The following OLIG2 variants were observed in gnomAD, a reference collection of about 807,000 sequenced individuals.
OLIG2 encodes the protein basic domain, helix-loop-helix protein, class B, 1.
In OLIG2, 12 loss-of-function variants were observed where a neutral mutation model predicts 13.4. The ratio of observed to expected loss-of-function variants is 0.90; its 90% CI spans 0.58 to 1.46. OLIG2 has a LOEUF of 1.46. Ranked by LOEUF, OLIG2 falls within the 40% of genes most tolerant of loss-of-function variation. OLIG2 has a pLI of 0.00. For missense variants in OLIG2, 415 were observed against 487.9 expected (o/e 0.85, Z 1.41); for synonymous variants, 250 against 233.6 (o/e 1.07, Z -0.64).
At position 33,026,450 on chromosome 21, in the gene OLIG2, T is replaced by C. The variant is rs543923644; in HGVS notation, c.-62-351T>C. On this transcript the variant is annotated intron_variant, in intron 1 of 1. Transcript: ENST00000382357. This position sits in a 1 kb window ranked among gnomAD's most constrained non-coding sequence, Gnocchi z 6.6. The stretch of plus-strand genomic sequence containing the variant: ...CCAAAGAAAGGCCCTCACTTCCCAC[T>C]CGTTTATTCCAGCCCGGGGGCTCAG... The C allele has an allele frequency of 4.7e-6, 1 of 210,740 alleles. No homozygotes were observed. The highest frequency in any genetic ancestry group is 8.4e-5 in the South Asian group (1 of 11,846). The allele number at this position is 210,740 out of a possible 1,614,324, so 13.1% of individuals were successfully genotyped here.
chr21:33,027,752 T>C lies in OLIG2; in HGVS notation c.890T>C (p.Met297Thr). 2 of 1,400,528 alleles carry C rather than the reference T, an allele frequency of 1.4e-6. No individual in the cohort carries two copies. The highest frequency in any genetic ancestry group is 1.8e-6 in the Non-Finnish European group (2 of 1,083,146). 86.8% of individuals were successfully genotyped at this position (1,400,528 alleles called of 1,614,324 possible). A position where few individuals can be genotyped will look rare whatever the true frequency, so the allele number is the denominator to read the frequency against. ...HWGGMPCPCS[M>T]CQVPPPHHHV... is the part of the protein sequence containing the mutation. ...GGCGGCATGCCCTGCCCCTGCAGCATGTGCCAGGTGCCGCCGCCGCACCAC... is the reference window on the plus strand; with the variant it reads ...GGCGGCATGCCCTGCCCCTGCAGCACGTGCCAGGTGCCGCCGCCGCACCAC... The change falls in exon 2 of 2, where the codon ATG (methionine) becomes ACG (threonine). Residue 297 changes from methionine (M) to threonine (T), a missense_variant. Met to Thr is a moderately conservative substitution (Grantham distance 81, BLOSUM62 -1). Around this residue, in one of 3 missense-constraint regions of OLIG2, gnomAD observed 243 missense variants for 241.2 expected, o/e 1.01. Coordinates refer to ENST00000382357, the MANE Select transcript of OLIG2 (RefSeq NM_005806.4).
Position 33,027,570 on chromosome 21 carries a change from G to T in OLIG2, c.708G>T (p.Ala236=). ...CGGCTGCTGCCGCCGCTGCAGCCGC[G>T]GCTGTGTCCAGCGCCTCTCTGCCCG... ...AAAAAAAAAA[A]AVSSASLPGS... is the part of the protein sequence containing the mutation. The change falls in exon 2 of 2, where the codon GCG becomes GCT. Residue 236 remains alanine (A), a synonymous_variant. Coordinates refer to ENST00000382357, the MANE Select transcript of OLIG2 (RefSeq NM_005806.4). The T allele has an allele frequency of 6.8e-7, 1 of 1,477,332 alleles. No individual in the cohort carries two copies. The highest frequency in any genetic ancestry group is 8.9e-7 in the Non-Finnish European group (1 of 1,119,220). 91.5% of individuals were successfully genotyped at this position (1,477,332 alleles called of 1,614,324 possible). A position where few individuals can be genotyped will look rare whatever the true frequency, so the allele number is the denominator to read the frequency against.
Position 33,028,065 on chromosome 21 carries a change from G to T in OLIG2, c.*231G>T, listed in dbSNP as rs774250932. 9.0e-6 allele frequency: 4 copies of T among 442,672 alleles called. No individual in the cohort carries two copies. The highest frequency in any genetic ancestry group is 4.4e-5 in the Admixed American group (1 of 22,686). 27.4% of individuals were successfully genotyped at this position (442,672 alleles called of 1,614,324 possible). ...TCCGGGACCTGATCGAGCGCTGTCT[G>T]GCTTTAACCTGAGCTGGTCCAGTAG... On this transcript the variant is annotated 3_prime_UTR_variant, in exon 2 of 2. Transcript: ENST00000382357.
rs1183265334 is a variant in OLIG2, at chr21:33,026,993, C to CG, written c.132dup (p.Ser45GlufsTer2). 1 of 1,612,222 alleles carries CG rather than the reference C, an allele frequency of 6.2e-7. No homozygotes were observed. Among genetic ancestry groups the CG allele is most frequent in the Non-Finnish European group, 8.5e-7 (1 of 1,179,530 alleles). On this transcript the variant is annotated frameshift_variant, in exon 2 of 2. Transcript: ENST00000382357. LOFTEE classifies it high-confidence loss of function. The surrounding 1 kb of genome is among the most constrained non-coding windows in gnomAD (Gnocchi z 6.6). Reference sequence around the variant, plus strand: ...GGGGGCACCGTGTCCTCGTCCACCCCGAGTGACTGCCCGCCGGAGCTGAGC... The same window carrying CG: ...GGGGGCACCGTGTCCTCGTCCACCCCGGAGTGACTGCCCGCCGGAGCTGAGC...
At position 33,027,129 on chromosome 21, in the gene OLIG2, G is replaced by T. The variant is rs562023180; in HGVS notation, c.267G>T (p.Ala89=). The T allele has an allele frequency of 1.2e-6, 2 of 1,611,368 alleles. No homozygotes were observed. The highest frequency in any genetic ancestry group is 1.7e-6 in the Non-Finnish European group (2 of 1,179,174). ...GCACCTCGTCGTCTACGTCGTCGGCGGCTGCGTCGTCCACCAAGAAGGACA... is the reference window on the plus strand; with the variant it reads ...GCACCTCGTCGTCTACGTCGTCGGCTGCTGCGTCGTCCACCAAGAAGGACA... The part of the protein sequence containing the change: ...SSSTSSSTSS[A]AASSTKKDKK... Residue 89 remains alanine, a synonymous_variant, in exon 2 of 2, where the codon GCG becomes GCT. Coordinates refer to ENST00000382357, the MANE Select transcript of OLIG2 (RefSeq NM_005806.4).
Position 33,027,135 on chromosome 21 carries a change from G to T in OLIG2, c.273G>T (p.Ala91=), listed in dbSNP as rs1478775455. 7 of 1,611,516 alleles carry T rather than the reference G, an allele frequency of 4.3e-6. No individual in the cohort carries two copies. The highest frequency in any genetic ancestry group is 5.9e-6 in the Non-Finnish European group (7 of 1,179,224). ...CGTCGTCTACGTCGTCGGCGGCTGC[G>T]TCGTCCACCAAGAAGGACAAGAAGC... ...STSSSTSSAA[A]SSTKKDKKQM... The change falls in exon 2 of 2, where the codon GCG becomes GCT. Residue 91 remains alanine (A), a synonymous_variant. Coordinates refer to ENST00000382357, the MANE Select transcript of OLIG2 (RefSeq NM_005806.4).
In OLIG2 at chr21:33,028,375, C is replaced by G. The variant is rs1029498598; in HGVS notation, c.*541C>G. The G allele has an allele frequency of 2.0e-4, 47 of 240,816 alleles. No individual in the cohort carries two copies. In the Middle Eastern group the frequency reaches 4.1e-3, roughly 21 times the overall value. 14.9% of individuals were successfully genotyped at this position (240,816 alleles called of 1,614,324 possible). The stretch of plus-strand genomic sequence containing the variant: ...GCGCCCTCCAGGGTCGTCCCTGGCC[C>G]AAGGCCAGGGGCCACAAGTTAGTTG... On this transcript the variant is annotated 3_prime_UTR_variant, in exon 2 of 2. Transcript: ENST00000382357.
Position 33,027,451 on chromosome 21 carries a change from C to A in OLIG2, c.589C>A (p.Pro197Thr), listed in dbSNP as rs919311769. 2.0e-6 allele frequency: 3 copies of A among 1,498,366 alleles called. No individual in the cohort carries two copies. The highest frequency in any genetic ancestry group is 2.9e-5 in the African/African-American group (2 of 69,132). 92.8% of individuals were successfully genotyped at this position (1,498,366 alleles called of 1,614,324 possible). A position where few individuals can be genotyped will look rare whatever the true frequency, so the allele number is the denominator to read the frequency against. ...CTGCGGCGGCCTGGCGCACTCCGCGCCCCTGCCCGCCGCCACCGCGCACCC... is the reference window on the plus strand; with the variant it reads ...CTGCGGCGGCCTGGCGCACTCCGCGACCCTGCCCGCCGCCACCGCGCACCC... ...SACGGLAHSA[P>T]LPAATAHPAA... The change falls in exon 2 of 2, where the codon CCC becomes ACC. Residue 197 changes from proline to threonine, a missense_variant. Pro to Thr is a conservative substitution (Grantham distance 38). Transcript: ENST00000382357.
In OLIG2 at chr21:33,028,522, G is replaced by T; in HGVS notation, c.*688G>T. On this transcript the variant is annotated 3_prime_UTR_variant, in exon 2 of 2. Coordinates refer to ENST00000382357, the MANE Select transcript of OLIG2 (RefSeq NM_005806.4). ...GTCTCTCGTTGATTTGGGAGAATATGGTTTTCTAATAAATCTGTGGATGTT... is the reference window on the plus strand; with the variant it reads ...GTCTCTCGTTGATTTGGGAGAATATTGTTTTCTAATAAATCTGTGGATGTT... 1 of 241,220 alleles carries T rather than the reference G, an allele frequency of 4.1e-6. No homozygotes were observed. Among genetic ancestry groups the T allele is most frequent in the Non-Finnish European group, 8.8e-6 (1 of 113,786 alleles). The allele number at this position is 241,220 out of a possible 1,614,324, so 14.9% of individuals were successfully genotyped here.
In OLIG2 at chr21:33,027,642, A is replaced by G; in HGVS notation, c.780A>G (p.Leu260=). The change falls in exon 2 of 2, where the codon CTA becomes CTG. Residue 260 remains leucine, a synonymous_variant. Transcript: ENST00000382357. ...SVGSIRPPHG[L]LKSPSAAAAA... The stretch of plus-strand genomic sequence containing the variant: ...GCTCCATCCGTCCACCGCACGGCCT[A>G]CTCAAGTCTCCGTCTGCTGCCGCGG... The G allele has an allele frequency of 1.4e-6, 2 of 1,441,230 alleles. No individual in the cohort carries two copies. The highest frequency in any genetic ancestry group is 2.9e-5 in the Admixed American group (1 of 34,082). The allele number at this position is 1,441,230 out of a possible 1,614,324, so 89.3% of individuals were successfully genotyped here. A position where few individuals can be genotyped will look rare whatever the true frequency, so the allele number is the denominator to read the frequency against.
Position 33,027,615 on chromosome 21 carries a change from C to A in OLIG2, c.753C>A (p.Val251=). 6.8e-7 allele frequency: 1 copy of A among 1,476,222 alleles called. No homozygotes were observed. The highest frequency in any genetic ancestry group is 8.9e-7 in the Non-Finnish European group (1 of 1,119,804). The allele number at this position is 1,476,222 out of a possible 1,614,324, so 91.4% of individuals were successfully genotyped here. A position where few individuals can be genotyped will look rare whatever the true frequency, so the allele number is the denominator to read the frequency against. Residue 251 remains valine, a synonymous_variant, in exon 2 of 2, where the codon GTC becomes GTA. Coordinates refer to ENST00000382357, the MANE Select transcript of OLIG2 (RefSeq NM_005806.4). ...TGCCCGGATCCGGGCTGCCGTCGGTCGGCTCCATCCGTCCACCGCACGGCC... is the reference window on the plus strand; with the variant it reads ...TGCCCGGATCCGGGCTGCCGTCGGTAGGCTCCATCCGTCCACCGCACGGCC... ...ASLPGSGLPS[V]GSIRPPHGLL...
In OLIG2 at chr21:33,027,858, G is replaced by A; in HGVS notation, c.*24G>A. 7.3e-7 allele frequency: 1 copy of A among 1,367,250 alleles called. No individual in the cohort carries two copies. Among genetic ancestry groups the A allele is most frequent in the Non-Finnish European group, 9.4e-7 (1 of 1,066,788 alleles). The allele number at this position is 1,367,250 out of a possible 1,614,324, so 84.7% of individuals were successfully genotyped here. On this transcript the variant is annotated 3_prime_UTR_variant, in exon 2 of 2. Transcript: ENST00000382357. ...GAGCCGACTGGCGCCGGCGCGTTCT[G>A]GCGACAGGGGAGCCAGGGGCCGCGG...
Position 33,029,107 on chromosome 21 carries a change from C to T in OLIG2, c.*1273C>T, listed in dbSNP as rs1185857290. 1 of 219,842 alleles carries T rather than the reference C, an allele frequency of 4.5e-6. No individual in the cohort carries two copies. Among genetic ancestry groups the T allele is most frequent in the Non-Finnish European group, 1.0e-5 (1 of 100,228 alleles). 13.6% of individuals were successfully genotyped at this position (219,842 alleles called of 1,614,324 possible). ...ATCATCTGTTTTATTTTTGTAAAAA[C>T]AAAGTGCTAAATAATATTTATTACT... On this transcript the variant is annotated 3_prime_UTR_variant, in exon 2 of 2. Transcript: ENST00000382357.
rs956392574 is a variant in OLIG2, at chr21:33,026,313, G to T, written c.-63+287G>T. The T allele has an allele frequency of 3.2e-5, 5 of 154,144 alleles. No individual in the cohort carries two copies. Among genetic ancestry groups the T allele is most frequent in the African/African-American group, 1.2e-4 (5 of 41,470 alleles). The allele number at this position is 154,144 out of a possible 1,614,324, so 9.5% of individuals were successfully genotyped here. ...GCACATGGACTCTGGGCCCCGCGCC[G>T]GCTCTGGGTGCATGTGCGTGTGCGT... On this transcript the variant is annotated intron_variant, in intron 1 of 1. Transcript: ENST00000382357. The surrounding 1 kb of genome is among the most constrained non-coding windows in gnomAD (Gnocchi z 6.6).
At position 33,028,625 on chromosome 21, in the gene OLIG2, G is replaced by A. The variant is rs1981202347; in HGVS notation, c.*791G>A. The A allele has an allele frequency of 4.2e-6, 1 of 239,464 alleles. No homozygotes were observed. 14.8% of individuals were successfully genotyped at this position (239,464 alleles called of 1,614,324 possible). On this transcript the variant is annotated 3_prime_UTR_variant, in exon 2 of 2. Transcript: ENST00000382357. ...TGGATTGGAATAACCCAAAACTGCC[G>A]ATTTCAGGGGCGGGTGCATTGTAGT... is the stretch of plus-strand genomic sequence containing the variant.
rs150369766 is a variant in OLIG2, at chr21:33,028,728, C to T, written c.*894C>T. The stretch of plus-strand genomic sequence containing the variant: ...ACAAAGTGATTTGGTTATTTTGGTA[C>T]CTGAGAACGTAACAGAATTAAAAGG... On this transcript the variant is annotated 3_prime_UTR_variant, in exon 2 of 2. Transcript: ENST00000382357. 533 of 241,118 alleles carry T rather than the reference C, an allele frequency of 2.2e-3. 18 individuals are homozygous for T. The Admixed American group carries it at 0.029, about 13-fold the overall frequency. 14.9% of individuals were successfully genotyped at this position (241,118 alleles called of 1,614,324 possible).
rs1050616602 is a variant in OLIG2 at position 33,027,010 on chromosome 21, G to A, written c.148G>A (p.Glu50Lys). The A allele has an allele frequency of 9.9e-6, 16 of 1,612,088 alleles. No individual in the cohort carries two copies. Among genetic ancestry groups the A allele is most frequent in the Non-Finnish European group, 1.4e-5 (16 of 1,179,432 alleles). Reference protein sequence around the residue: ...SSSTPSDCPPELSAELRGAMG... With the variant: ...SSSTPSDCPPKLSAELRGAMG... The stretch of plus-strand genomic sequence containing the variant: ...GTCCACCCCGAGTGACTGCCCGCCG[G>A]AGCTGAGCGCCGAGCTGCGCGGCGC... The change falls in exon 2 of 2, where the codon GAG (glutamate) becomes AAG (lysine). Residue 50 changes from glutamate (E) to lysine (K), a missense_variant. Physicochemically the swap from Glu to Lys is moderately conservative, Grantham distance 56 (BLOSUM62 1). Coordinates refer to ENST00000382357, the MANE Select transcript of OLIG2 (RefSeq NM_005806.4).
Position 33,027,721 on chromosome 21 carries a change from C to T in OLIG2, c.859C>T (p.His287Tyr). ...CAGTGGGGCGAGCGGGGGCTTCCAG[C>T]ACTGGGGCGGCATGCCCTGCCCCTG... ...GGSGASGGFQ[H>Y]WGGMPCPCSM... Residue 287 changes from histidine to tyrosine, a missense_variant, in exon 2 of 2, where the codon CAC becomes TAC. Physicochemically the swap from His to Tyr is moderately conservative, Grantham distance 83. This residue lies in a region of OLIG2 where 243 missense variants were observed against 241.2 expected (regional missense o/e 1.01). Transcript: ENST00000382357. 1.0e-5 allele frequency: 14 copies of T among 1,369,978 alleles called. No individual in the cohort carries two copies. The highest frequency in any genetic ancestry group is 1.2e-5 in the Non-Finnish European group (13 of 1,069,894). 84.9% of individuals were successfully genotyped at this position (1,369,978 alleles called of 1,614,324 possible). A position where few individuals can be genotyped will look rare whatever the true frequency, so the allele number is the denominator to read the frequency against.
rs2123269654 is a variant in OLIG2 at position 33,027,806 on chromosome 21, TGCCGCGCC to T, written c.945_952del (p.Pro316HisfsTer121). ...GTGTCGGCTATGGGCGCCGGCAGCCTGCCGCGCCTCACCTCCGACGCCAAGTGAGCCGA... is the reference window on the plus strand; with the variant it reads ...GTGTCGGCTATGGGCGCCGGCAGCCTTCACCTCCGACGCCAAGTGAGCCGA... On this transcript the variant is annotated frameshift_variant, in exon 2 of 2. Coordinates refer to ENST00000382357, the MANE Select transcript of OLIG2 (RefSeq NM_005806.4). LOFTEE classifies it high-confidence loss of function. 7.0e-7 allele frequency: 1 copy of T among 1,427,422 alleles called. No homozygotes were observed. Among genetic ancestry groups the T allele is most frequent in the East Asian group, 3.0e-5 (1 of 32,812 alleles). The allele number at this position is 1,427,422 out of a possible 1,614,324, so 88.4% of individuals were successfully genotyped here. A position where few individuals can be genotyped will look rare whatever the true frequency, so the allele number is the denominator to read the frequency against.
Sources: allele counts gnomAD v4.1 joint callset, GRCh38; gene constraint gnomAD v4.1.1; regional missense constraint gnomAD v4.1.1; non-coding constraint Gnocchi (gnomAD v3.1); transcripts MANE v1.5; gene names NCBI Gene and HGNC (gene_info 2026-07-23, HGNC 2026-07-21).